LIMCH1: variants seen among roughly 807,000 people sequenced by gnomAD.
The protein encoded by LIMCH1 is LIM and calponin homology domains-containing protein 1.
LIMCH1 carries 113 observed loss-of-function variants against 176.5 expected under a neutral mutation model. The observed-to-expected ratio is 0.64, with a 90% CI of 0.55 to 0.75. The LOEUF is 0.75. Ranked by LOEUF, LIMCH1 falls within the 30% of genes least tolerant of loss-of-function variation. The pLI is 0.00. For synonymous variants in LIMCH1, 619 were observed against 645.9 expected, an observed-to-expected ratio of 0.96 and a Z score of 0.63; for missense variants, 1,674 against 1,814.9, an observed-to-expected ratio of 0.92 and a Z score of 1.41.
At chr4:41,365,138 C>A (rs1186739484) in intron 1 of LIMCH1, among the ~76,000 whole-genome samples, 1 of 152,224 alleles carries the variant, frequency 6.6e-6, no homozygotes, top group Non-Finnish European at 1.5e-5. Flanking sequence ...AAATTTCAAC[C>A]CAACTCAGCC....
chr4:41,691,302 G>C (rs1725425757), intron 30 of LIMCH1, among the ~76,000 whole-genome samples: 1 of 152,150 alleles, frequency 6.6e-6, no homozygotes, highest in Admixed American at 6.5e-5. Context: ...CAAGAGGCTG[G>C]CACCCACACC....
At chr4:41,672,550 G>A (rs917089208) in intron 22 of LIMCH1, among the ~76,000 whole-genome samples, 1 of 152,050 alleles carries the variant, frequency 6.6e-6, no homozygotes. Flanking sequence ...TCTCATTTTT[G>A]CACCCCTTCT....
At chr4:41,499,725 G>A (rs796895900) in intron 2 of LIMCH1, among the ~76,000 whole-genome samples, 41 of 152,302 alleles carry the variant, frequency 2.7e-4, no homozygotes, top group African/African-American at 9.6e-4. Flanking sequence ...GGCTGAGGCA[G>A]GAGAATCTCT....
At chr4:41,604,781 CA>C (rs2090466366) in intron 3 of LIMCH1, among the ~76,000 whole-genome samples, 1 of 152,076 alleles carries the variant, frequency 6.6e-6, no homozygotes. Flanking sequence ...GCAATCAGTT[CA>C]AAAGGATGTT....
chr4:41,502,937 A>ACC (rs34054828), intron 2 of LIMCH1, among the ~76,000 whole-genome samples: 85 of 150,888 alleles, frequency 5.6e-4, no homozygotes, highest in African/African-American at 8.8e-4. Flanking sequence ...ACACACACAC[A>ACC]CCCCAGGTAC....
At chr4:41,617,087 CTA>C (rs1212730038) in intron 5 of LIMCH1, among the ~76,000 whole-genome samples, 1 of 151,686 alleles carries the variant, frequency 6.6e-6, no homozygotes, top group Non-Finnish European at 1.5e-5. Flanking sequence ...ATATCTATAT[CTA>C]TATATGTGTG....
intron 1 of LIMCH1, among the ~76,000 whole-genome samples, chr4:41,465,731 T>G (rs2066006604): frequency 6.6e-6 from 1 of 152,204 alleles, no homozygotes; most frequent in African/African-American, 2.4e-5. Context: ...AAAGCCCAAG[T>G]AATAATTTTC....
At chr4:41,631,620 G>A in intron 10 of LIMCH1, 143 bp downstream of exon 10, 1 of 670,830 alleles carries the variant, frequency 1.5e-6, no homozygotes, top group Non-Finnish European at 2.3e-6. Flanking sequence ...ATGTTAGCGG[G>A]TCCCCCTGCG....
chr4:41,366,141 G>A (rs1274551338), intron 1 of LIMCH1, among the ~76,000 whole-genome samples: 1 of 152,200 alleles, frequency 6.6e-6, no homozygotes, highest in Non-Finnish European at 1.5e-5. Flanking sequence ...AAGCATCATA[G>A]TTGGGGGATA....
At chr4:41,563,104 G>T (rs1561761134) in intron 1 of LIMCH1, among the ~76,000 whole-genome samples, 1 of 152,124 alleles carries the variant, frequency 6.6e-6, no homozygotes, top group Non-Finnish European at 1.5e-5. Flanking sequence ...GTTATTAATA[G>T]TTGAAGGTTC....
At chr4:41,682,678 C>CTTTT (rs397975995) in intron 26 of LIMCH1, among the ~76,000 whole-genome samples, 4 of 139,048 alleles carry the variant, frequency 2.9e-5, no homozygotes, top group Admixed American at 7.2e-5. Context: ...TCTTCTTCTT[C>CTTTT]TTTTTTTTTT....
intron 21 of LIMCH1, 71 bp from the exon 22 acceptor site, chr4:41,671,483 G>C (rs1336716949): frequency 7.8e-7 from 1 of 1,275,414 alleles, no homozygotes; most frequent in African/African-American, 1.5e-5. Flanking sequence ...TCCACTGATA[G>C]GTCAAAAACA....
chr4:41,662,745 A>G (rs2094670462), intron 19 of LIMCH1, 76 bp from the exon 20 acceptor site: 3 of 1,474,294 alleles, frequency 2.0e-6, no homozygotes, highest in Non-Finnish European at 2.8e-6. Context: ...ACTTCATGGC[A>G]TTGCAGAATA....
At chr4:41,532,342 C>T (rs2077418637) in intron 3 of LIMCH1, among the ~76,000 whole-genome samples, 1 of 152,084 alleles carries the variant, frequency 6.6e-6, no homozygotes, top group South Asian at 2.1e-4. Context: ...CAGGTCATCT[C>T]GTGTCCCTCA....
chr4:41,649,647 A>G (rs1302293914), intron 17 of LIMCH1, among the ~76,000 whole-genome samples: 1 of 152,194 alleles, frequency 6.6e-6, no homozygotes, highest in Non-Finnish European at 1.5e-5. Flanking sequence ...ACCTAACTGC[A>G]CAGCTCCCTC....
At chr4:41,504,726 A>G (rs1329116256) in intron 2 of LIMCH1, among the ~76,000 whole-genome samples, 1 of 152,190 alleles carries the variant, frequency 6.6e-6, no homozygotes, top group African/African-American at 2.4e-5. Context: ...TTTGCTTATC[A>G]TTTTCCCCAC....
intron 28 of LIMCH1, among the ~76,000 whole-genome samples, chr4:41,687,598 A>AATGCCAGC (rs1377139236): frequency 1.3e-5 from 2 of 152,110 alleles, no homozygotes; most frequent in South Asian, 2.1e-4. Context: ...TCTGTTCAGC[A>AATGCCAGC]ATGCCAGCAT....
upstream of LIMCH1, among the ~76,000 whole-genome samples, chr4:41,535,348 A>G (rs2077791628): frequency 1.3e-5 from 2 of 151,998 alleles, no homozygotes; most frequent in Admixed American, 6.6e-5. Context: ...CACAGATTGG[A>G]TGGCTTAAAT....
chr4:41,656,893 C>T (rs1044659146), intron 18 of LIMCH1, among the ~76,000 whole-genome samples: 4 of 152,228 alleles, frequency 2.6e-5, no homozygotes, highest in African/African-American at 9.6e-5. Context: ...CCCAGACCCT[C>T]AGTCTCAGGA....
Sources: gnomAD v4.1 joint callset for allele counts (sites outside exome capture counted in the v4.1 genomes callset) on GRCh38, gnomAD v4.1.1 for gene constraint, MANE v1.5 for transcripts, NCBI Gene and HGNC (gene_info 2026-07-23, HGNC 2026-07-21) for gene names.